Variants in POFUT3 observed in about 807,000 individuals in gnomAD.
The protein encoded by POFUT3 is protein O-fucosyltransferase 3, also known as GDP-fucose protein O-fucosyltransferase 3.
At chr8:33,318,612 T>A in the POFUT3 span, among the ~76,000 whole-genome samples, 4 of 91,816 alleles carry the variant, frequency 4.4e-5, no homozygotes, top group Non-Finnish European at 3.7e-5. Context: ...ATAAATATAT[T>A]GTATATATAT....
the POFUT3 span, among the ~76,000 whole-genome samples, chr8:33,349,842 C>A: frequency 6.6e-6 from 1 of 152,172 alleles, no homozygotes; most frequent in Non-Finnish European, 1.5e-5. Flanking sequence ...ACTTTCAGTT[C>A]TTTAAGGAAT....
chr8:33,436,473 G>C, the POFUT3 span: 1 of 1,420,226 alleles, frequency 7.0e-7, no homozygotes, highest in Admixed American at 1.7e-5. Flanking sequence ...ACTTGGTTGA[G>C]GTTTTGCTCT....
the POFUT3 span, among the ~76,000 whole-genome samples, chr8:33,328,769 G>A: frequency 6.6e-6 from 1 of 152,254 alleles, no homozygotes; most frequent in African/African-American, 2.4e-5. Context: ...TAGAACACTG[G>A]TTGGCCATTG....
the POFUT3 span, among the ~76,000 whole-genome samples, chr8:33,321,057 C>A: frequency 1.3e-5 from 2 of 152,086 alleles, no homozygotes; most frequent in African/African-American, 4.8e-5. Context: ...CCTCCACCTG[C>A]AAAATACACT....
chr8:33,363,993 C>T, the POFUT3 span, among the ~76,000 whole-genome samples: 1 of 152,260 alleles, frequency 6.6e-6, no homozygotes, highest in Non-Finnish European at 1.5e-5. Flanking sequence ...ACCAATATCC[C>T]TGATGAACAC....
At chr8:33,406,688 C>T in the POFUT3 span, among the ~76,000 whole-genome samples, 1 of 152,006 alleles carries the variant, frequency 6.6e-6, no homozygotes, top group Non-Finnish European at 1.5e-5. Context: ...GCCTCAGCCT[C>T]CCAAGTACCT....
At chr8:33,389,391 T>C in the POFUT3 span, 176 of 1,614,068 alleles carry the variant, frequency 1.1e-4, no homozygotes, top group Non-Finnish European at 1.4e-4. Context: ...TCGGCATCCA[T>C]AGAGGCTGGA....
At chr8:33,389,065 T>C in the POFUT3 span, 1 of 1,614,202 alleles carries the variant, frequency 6.2e-7, no homozygotes, top group Non-Finnish European at 8.5e-7. Context: ...CCCATTTCCG[T>C]TCCCTGAGAG....
At chr8:33,337,344 T>C in the POFUT3 span, among the ~76,000 whole-genome samples, 2 of 152,346 alleles carry the variant, frequency 1.3e-5, no homozygotes, top group Admixed American at 6.5e-5. Flanking sequence ...TACTTCTCCA[T>C]AGTCCTTCTG....
the POFUT3 span, among the ~76,000 whole-genome samples, chr8:33,357,638 A>C: frequency 6.6e-6 from 1 of 150,502 alleles, no homozygotes; most frequent in African/African-American, 2.5e-5. Context: ...TTTTCCTCCT[A>C]TTTTTCTCCT....
the POFUT3 span, chr8:33,389,785 G>A: frequency 6.2e-7 from 1 of 1,611,092 alleles, no homozygotes; most frequent in South Asian, 1.1e-5. Context: ...AGCTATCTAT[G>A]TTAAAGTCAG....
the POFUT3 span, among the ~76,000 whole-genome samples, chr8:33,330,298 G>A: frequency 6.6e-6 from 1 of 152,088 alleles, no homozygotes; most frequent in Non-Finnish European, 1.5e-5. Flanking sequence ...GCAAAAATGA[G>A]CTGGGTGTGG....
chr8:33,413,365 C>T, the POFUT3 span, among the ~76,000 whole-genome samples: 1 of 150,104 alleles, frequency 6.7e-6, no homozygotes, highest in Non-Finnish European at 1.5e-5. Context: ...CACTCTCTTT[C>T]TCTCTCTCTC....
the POFUT3 span, chr8:33,389,273 AC>A: frequency 8.1e-6 from 13 of 1,613,972 alleles, no homozygotes; most frequent in Non-Finnish European, 1.1e-5. Flanking sequence ...TACAGGGACT[AC>A]CCCCAGTTTC....
the POFUT3 span, among the ~76,000 whole-genome samples, chr8:33,329,737 A>G: frequency 6.6e-6 from 1 of 152,304 alleles, no homozygotes; most frequent in South Asian, 2.1e-4. Flanking sequence ...GCAAGATTTA[A>G]TGTGTTTCTA....
At chr8:33,323,989 C>T in the POFUT3 span, among the ~76,000 whole-genome samples, 1 of 152,168 alleles carries the variant, frequency 6.6e-6, no homozygotes, top group Admixed American at 6.5e-5. Context: ...GAGCCCAGAG[C>T]AATTTCAAGG....
chr8:33,352,617 G>C, the POFUT3 span, among the ~76,000 whole-genome samples: 1 of 152,126 alleles, frequency 6.6e-6, no homozygotes, highest in Non-Finnish European at 1.5e-5. Context: ...GATGGAACCA[G>C]AGACATCTAG....
the POFUT3 span, chr8:33,455,852 G>C: frequency 2.2e-6 from 1 of 456,008 alleles, no homozygotes; most frequent in South Asian, 1.6e-5. Context: ...AACTCCCTGG[G>C]GAGGGCCCGT....
At chr8:33,422,099 T>C in the POFUT3 span, among the ~76,000 whole-genome samples, 1 of 151,976 alleles carries the variant, frequency 6.6e-6, no homozygotes, top group Non-Finnish European at 1.5e-5. Context: ...ATGAGAAGAA[T>C]GTATTTTCTT....
Sources: gnomAD v4.1 joint callset for allele counts (sites outside exome capture counted in the v4.1 genomes callset) on GRCh38, gnomAD v4.1.1 for gene constraint, MANE v1.5 for transcripts, NCBI Gene and HGNC (gene_info 2026-07-23, HGNC 2026-07-21) for gene names.